The following ZNF451 variants were observed in gnomAD, a reference collection of about 807,000 sequenced individuals.
ZNF451 encodes the protein E3 SUMO-protein ligase ZNF451.
Under a neutral mutation model 107.1 loss-of-function variants are expected in ZNF451, and 80 were observed. That is an observed-to-expected ratio of 0.75 (90% CI 0.62 to 0.90). The LOEUF is 0.90. Ranked by LOEUF, ZNF451 falls within the 40% of genes least tolerant of loss-of-function variation. The pLI, the probability that ZNF451 is intolerant of heterozygous loss-of-function variation, is 0.00. For synonymous variants in ZNF451, 362 were observed against 406.5 expected (o/e 0.89, Z 1.32); for missense variants, 1,107 against 1,236.2 (o/e 0.90, Z 1.57).
chr6:57,119,398 G>A (rs959303623), intron 3 of ZNF451, among the ~76,000 whole-genome samples: 2 of 152,070 alleles, frequency 1.3e-5, no homozygotes, highest in African/African-American at 2.4e-5. Context: ...GGTGGCACGC[G>A]CCTGCAATCT....
intron 3 of ZNF451, chr6:57,106,355 G>A (rs1349754453): frequency 3.1e-6 from 3 of 954,802 alleles, no homozygotes; most frequent in East Asian, 1.2e-4. Flanking sequence ...TGTTGCCCAG[G>A]CTGGAGTGCA....
intron 3 of ZNF451, chr6:57,100,867 C>G: frequency 6.5e-7 from 1 of 1,549,842 alleles, no homozygotes; most frequent in African/African-American, 1.4e-5. Flanking sequence ...TTCATCTCCA[C>G]TTCTGGTCCC....
rs373429398 is a variant in ZNF451, at chr6:57,152,176, C to A, written c.2753-45C>A. On this transcript the variant is annotated intron_variant, in intron 11 of 14. Coordinates refer to ENST00000370706, the MANE Select transcript of ZNF451 (RefSeq NM_001031623.3). ...TTTCTTGATAAAATTTTTGGCCTTT[C>A]CTCTCCTGTTTGATTATCATTTTTG... The A allele has an allele frequency of 4.9e-5, 77 of 1,561,998 alleles. 1 individual carries two copies. The highest frequency in any genetic ancestry group is 6.0e-5 in the Non-Finnish European group (70 of 1,157,510).
intron 7 of ZNF451, among the ~76,000 whole-genome samples, chr6:57,139,343 A>G (rs1331509169): frequency 2.0e-5 from 3 of 152,112 alleles, no homozygotes; most frequent in African/African-American, 2.4e-5. Flanking sequence ...CAGAACTTCA[A>G]TTTTCTCATT....
At chr6:57,132,677 A>G (rs886445344) in intron 5 of ZNF451, among the ~76,000 whole-genome samples, 1 of 151,994 alleles carries the variant, frequency 6.6e-6, no homozygotes, top group East Asian at 1.9e-4. Flanking sequence ...TTAGCTGTTG[A>G]GCTTAAAGAA....
At position 57,102,278 on chromosome 6, in the gene ZNF451, A is replaced by T. The variant is rs938970462; in HGVS notation, c.186+3137A>T. 2.4e-5 allele frequency: 32 copies of T among 1,311,970 alleles called. No individual in the cohort carries two copies. The African/African-American group carries it at 4.7e-4, about 19-fold the overall frequency. The allele number at this position is 1,311,970 out of a possible 1,614,324, so 81.3% of individuals were successfully genotyped here. On this transcript the variant is annotated intron_variant, in intron 3 of 14. Transcript: ENST00000370706. ...AATGAAGTATATAATAAAGAAACTC[A>T]TGACTTATTGGCCAAGTGAGCAGTG...
chr6:57,131,829 G>A (rs1831191369), intron 5 of ZNF451, among the ~76,000 whole-genome samples: 1 of 152,176 alleles, frequency 6.6e-6, no homozygotes. Flanking sequence ...ACAAGAGATA[G>A]TAATAAAACA....
At chr6:57,167,975 A>G (rs1346856400) in intron 14 of ZNF451, among the ~76,000 whole-genome samples, 2 of 152,108 alleles carry the variant, frequency 1.3e-5, no homozygotes, top group Non-Finnish European at 2.9e-5. Flanking sequence ...ATTTTTCCCC[A>G]GCTTTATTGA....
chr6:57,116,941 A>AC lies in ZNF451; in HGVS notation c.187-7793_187-7792insC, dbSNP rs1263806024. 26 of 151,996 alleles carry AC rather than the reference A, an allele frequency of 1.7e-4. No homozygotes were observed. The East Asian group carries it at 3.9e-3, about 23-fold the overall frequency. 9.4% of individuals were successfully genotyped at this position (151,996 alleles called of 1,614,324 possible). ...TTATCTCTAAAGGAAAACAAAACAA[A>AC]AAAAAAAAAAATGAAGAAACTTTCT... On this transcript the variant is annotated intron_variant, in intron 3 of 14. Transcript: ENST00000370706.
chr6:57,155,656 G>A (rs1301806827), intron 13 of ZNF451, among the ~76,000 whole-genome samples: 2 of 152,086 alleles, frequency 1.3e-5, no homozygotes, highest in Non-Finnish European at 2.9e-5. Context: ...AACTCCAAAT[G>A]TGAAACCTGT....
At position 57,168,455 on chromosome 6, in the gene ZNF451, C is replaced by T; in HGVS notation, c.3172C>T (p.Leu1058Phe). ...ATTAGAAGAAGCTATTAGAAGAAGT[C>T]TTGAGGAAATGTAATTAAAGATATT... ...VELEEAIRRS[L>F]EEM is the part of the protein sequence containing the mutation. The change falls in exon 15 of 15, where the codon CTT becomes TTT. Residue 1058 changes from leucine (L) to phenylalanine (F), a missense_variant. Leu to Phe is a conservative substitution (Grantham distance 22). Around this residue, in one of 5 missense-constraint regions of ZNF451, gnomAD observed 151 missense variants for 173.3 expected, o/e 0.87. Transcript: ENST00000370706. The T allele has an allele frequency of 1.2e-6, 2 of 1,607,628 alleles. No homozygotes were observed. Among genetic ancestry groups the T allele is most frequent in the Non-Finnish European group, 1.7e-6 (2 of 1,176,884 alleles).
chr6:57,102,065 ACT>A, intron 3 of ZNF451: 1 of 1,523,846 alleles, frequency 6.6e-7, no homozygotes, highest in Non-Finnish European at 8.8e-7. Flanking sequence ...AAGAAGGGAG[ACT>A]CTCCAGAACG....
chr6:57,127,689 G>A (rs1267640933), intron 4 of ZNF451, among the ~76,000 whole-genome samples: 1 of 152,078 alleles, frequency 6.6e-6, no homozygotes, highest in African/African-American at 2.4e-5. Context: ...CAATTTATTT[G>A]ACCTCTGTGT....
intron 3 of ZNF451, 139 bp from the exon 4 acceptor site, chr6:57,124,595 A>G (rs1308034072): frequency 1.4e-6 from 1 of 735,096 alleles, no homozygotes; most frequent in South Asian, 1.7e-5. Flanking sequence ...AAAATACCAC[A>G]TAAAACCTAC....
At chr6:57,166,001 T>G (rs1208247546) in intron 14 of ZNF451, among the ~76,000 whole-genome samples, 1 of 152,056 alleles carries the variant, frequency 6.6e-6, no homozygotes, top group African/African-American at 2.4e-5. Flanking sequence ...TACTGTAGAT[T>G]TTATAAACAC....
At chr6:57,112,660 A>G (rs982059189) in intron 3 of ZNF451, among the ~76,000 whole-genome samples, 2 of 152,140 alleles carry the variant, frequency 1.3e-5, no homozygotes, top group African/African-American at 4.8e-5. Flanking sequence ...GGTTGTTGTG[A>G]TCACTTCTCT....
In ZNF451 at chr6:57,091,673, C is replaced by T. The variant is rs554168235; in HGVS notation, c.105+779C>T. Among the ~76,000 whole-genome samples the T allele has an allele frequency of 1.3e-3, 196 of 152,216 alleles. 1 individual carries two copies. Among genetic ancestry groups the T allele is most frequent in the Admixed American group, 3.0e-3 (46 of 15,288 alleles). On this transcript the variant is annotated intron_variant, in intron 2 of 14. Transcript: ENST00000370706. ...TTATTGGAGTTTTAGAAAGGCTTTG[C>T]GTAAAGTGGTATCTCAGCTCGCCAG...
chr6:57,159,853 G>C (rs1168798652), intron 13 of ZNF451, among the ~76,000 whole-genome samples: 1 of 152,090 alleles, frequency 6.6e-6, no homozygotes, highest in Non-Finnish European at 1.5e-5. Context: ...GCTTTTTAAT[G>C]TATATTTTAA....
At chr6:57,131,316 G>A (rs943728642) in intron 5 of ZNF451, among the ~76,000 whole-genome samples, 2 of 152,070 alleles carry the variant, frequency 1.3e-5, no homozygotes, top group East Asian at 1.9e-4. Context: ...GACAAAAGCT[G>A]TTTAAATCTC....
Sources: allele counts gnomAD v4.1 joint callset (sites outside exome capture counted in the v4.1 genomes callset), GRCh38; gene constraint gnomAD v4.1.1; regional missense constraint gnomAD v4.1.1; transcripts MANE v1.5; gene names NCBI Gene and HGNC (gene_info 2026-07-23, HGNC 2026-07-21).